Variants in AUTS2 observed in about 807,000 individuals in gnomAD.
AUTS2 encodes the protein autism susceptibility gene 2 protein.
In AUTS2, 17 loss-of-function variants were observed where a neutral mutation model predicts 112.4. The ratio of observed to expected loss-of-function variants is 0.15; its 90% CI spans 0.10 to 0.23. AUTS2 has a LOEUF of 0.23. Among genes scored for constraint, AUTS2 ranks in the 10% least tolerant of loss-of-function variants. The pLI is 1.00. For synonymous variants in AUTS2, 751 were observed against 702.7 expected (o/e 1.07, Z -1.09); for missense variants, 1,510 against 1,701.6 (o/e 0.89, Z 1.98).
At chr7:70,786,550 T>TA (rs749855418) in intron 17 of AUTS2, among the ~76,000 whole-genome samples, 2 of 152,132 alleles carry the variant, frequency 1.3e-5, no homozygotes, top group Non-Finnish European at 2.9e-5. Context: ...TTTCTACTAT[T>TA]AAAAAAGCCC....
chr7:69,617,920 G>A (rs528768819), intron 1 of AUTS2, among the ~76,000 whole-genome samples: 1 of 152,188 alleles, frequency 6.6e-6, no homozygotes, highest in Middle Eastern at 3.4e-3. Flanking sequence ...ACCACCATTT[G>A]GGGAATTATT....
intron 4 of AUTS2, among the ~76,000 whole-genome samples, chr7:70,256,412 C>G (rs1291964404): frequency 6.6e-6 from 1 of 152,120 alleles, no homozygotes; most frequent in Admixed American, 6.5e-5. Context: ...ACTTCATGCC[C>G]CAGTCCTGAA....
In AUTS2 at chr7:70,766,424, C is replaced by G; in HGVS notation, c.1689+90C>G. The G allele has an allele frequency of 6.7e-7, 1 of 1,489,630 alleles. No homozygotes were observed. Among genetic ancestry groups the G allele is most frequent in the Non-Finnish European group, 9.2e-7 (1 of 1,090,816 alleles). 92.3% of individuals were successfully genotyped at this position (1,489,630 alleles called of 1,614,324 possible). ...GGGACCGGGCTGGGCAGCGGGGCCA[C>G]CAGAGATCGAATGGGGACTGACGGC... On this transcript the variant is annotated intron_variant, in intron 9 of 18. Coordinates refer to ENST00000342771, the MANE Select transcript of AUTS2 (RefSeq NM_015570.4). This position sits in a 1 kb window ranked among gnomAD's most constrained non-coding sequence, Gnocchi z 4.8.
chr7:69,780,613 CTGT>C (rs1296799931), intron 1 of AUTS2, among the ~76,000 whole-genome samples: 1 of 152,150 alleles, frequency 6.6e-6, no homozygotes, highest in Non-Finnish European at 1.5e-5. Flanking sequence ...GTGTGCCTGG[CTGT>C]TGTTATTTAT....
chr7:70,187,703 A>G (rs1809676215), intron 4 of AUTS2, among the ~76,000 whole-genome samples: 1 of 152,028 alleles, frequency 6.6e-6, no homozygotes, highest in South Asian at 2.1e-4. Flanking sequence ...TGCAAATCTC[A>G]GACATCTACA....
At chr7:70,773,505 C>T (rs1224224672) in intron 11 of AUTS2, among the ~76,000 whole-genome samples, 1 of 152,210 alleles carries the variant, frequency 6.6e-6, no homozygotes, top group Non-Finnish European at 1.5e-5. Flanking sequence ...TCTCTTGTCC[C>T]ATTTCCACCA....
chr7:69,886,380 A>G (rs919039787), intron 1 of AUTS2, among the ~76,000 whole-genome samples: 8 of 152,230 alleles, frequency 5.3e-5, no homozygotes, highest in African/African-American at 1.7e-4. Context: ...ATAGTTCTCT[A>G]GAAACATGAC....
rs143665130 is a variant in AUTS2, at chr7:69,725,760, C to T, written c.309+125798C>T. ...GCACTGAGAATAGTTCCTAGCTGTC[C>T]CATATTTCAGCATCTCCTGAAATAG... On this transcript the variant is annotated intron_variant, in intron 1 of 18. Coordinates refer to ENST00000342771, the MANE Select transcript of AUTS2 (RefSeq NM_015570.4). 6.2e-4 allele frequency among the ~76,000 whole-genome samples: 95 copies of T among 152,112 alleles called. 1 individual carries two copies. Among genetic ancestry groups the T allele is most frequent in the Admixed American group, 1.7e-3 (26 of 15,280 alleles).
At chr7:70,043,575 TC>T (rs1225547331) in intron 2 of AUTS2, among the ~76,000 whole-genome samples, 2 of 112,846 alleles carry the variant, frequency 1.8e-5, no homozygotes, top group East Asian at 2.6e-4. Context: ...CTTCCTTCCT[TC>T]CTTCCTTCCT....
At chr7:70,351,485 G>T (rs914317581) in intron 4 of AUTS2, among the ~76,000 whole-genome samples, 2 of 152,190 alleles carry the variant, frequency 1.3e-5, no homozygotes, top group Non-Finnish European at 2.9e-5. Context: ...GAATAGTGCT[G>T]CAGTGAACAT....
intron 2 of AUTS2, among the ~76,000 whole-genome samples, chr7:69,919,600 G>C (rs1252525582): frequency 6.6e-6 from 1 of 152,130 alleles, no homozygotes; most frequent in Non-Finnish European, 1.5e-5. Context: ...CTGGATTCTT[G>C]GGTTAAAGTT....
chr7:70,221,015 G>T (rs1342945520), intron 4 of AUTS2, among the ~76,000 whole-genome samples: 2 of 152,052 alleles, frequency 1.3e-5, no homozygotes, highest in Non-Finnish European at 2.9e-5. Flanking sequence ...GCAACTGCTG[G>T]GCTCTGCCTC....
chr7:69,709,140 A>G (rs1020850099), intron 1 of AUTS2, among the ~76,000 whole-genome samples: 2 of 152,234 alleles, frequency 1.3e-5, no homozygotes, highest in African/African-American at 4.8e-5. Flanking sequence ...GGCTGGCTAG[A>G]GGCCAGGTTT....
intron 2 of AUTS2, among the ~76,000 whole-genome samples, chr7:69,978,519 C>T (rs1215547614): frequency 6.6e-6 from 1 of 151,886 alleles, no homozygotes; most frequent in African/African-American, 2.4e-5. Flanking sequence ...AGAAGTGTTC[C>T]TCTGAAAAAC....
intron 6 of AUTS2, among the ~76,000 whole-genome samples, chr7:70,700,957 G>A (rs1809425534): frequency 6.6e-6 from 1 of 152,192 alleles, no homozygotes; most frequent in South Asian, 2.1e-4. Context: ...TCATAAGAAA[G>A]GGCAAATTTA....
At chr7:70,351,724 C>T (rs969356441) in intron 4 of AUTS2, among the ~76,000 whole-genome samples, 2 of 151,360 alleles carry the variant, frequency 1.3e-5, no homozygotes, top group Non-Finnish European at 2.9e-5. Context: ...TTTTTTGATA[C>T]GAAGTCTTGC....
rs192672232 is a variant in AUTS2, at chr7:70,734,506, C to T, written c.743-28364C>T. Among the ~76,000 whole-genome samples, 8 of 152,142 alleles carry T rather than the reference C, an allele frequency of 5.3e-5. No homozygotes were observed. In the East Asian group the frequency reaches 5.8e-4, roughly 11 times the overall value. On this transcript the variant is annotated intron_variant, in intron 6 of 18. Transcript: ENST00000342771. ...TATGGGGATACATTGTCCCCTCCCC[C>T]CTTTTTCTCTCAGTTAAAAATCTGT...
At chr7:70,785,385 G>A (rs1791381566) in intron 16 of AUTS2, 2 of 515,394 alleles carry the variant, frequency 3.9e-6, no homozygotes, top group Non-Finnish European at 7.5e-6. Flanking sequence ...GTCACCTCTA[G>A]GAAGCGGAAA....
intron 1 of AUTS2, among the ~76,000 whole-genome samples, chr7:69,711,874 T>A (rs1240724548): frequency 2.0e-5 from 3 of 152,194 alleles, no homozygotes; most frequent in African/African-American, 7.2e-5. Flanking sequence ...ACAGTTAAAA[T>A]ACAACATAAT....
Sources: gnomAD v4.1 joint callset for allele counts (sites outside exome capture counted in the v4.1 genomes callset) on GRCh38, gnomAD v4.1.1 for gene constraint, Gnocchi (gnomAD v3.1) non-coding constraint, MANE v1.5 for transcripts, NCBI Gene and HGNC (gene_info 2026-07-23, HGNC 2026-07-21) for gene names.